Variants in VEGFC observed in about 807,000 individuals in gnomAD.
VEGFC encodes the protein vascular endothelial growth factor C, also known as FLT4 ligand DHM.
Under a neutral mutation model 46.1 loss-of-function variants are expected in VEGFC, and 12 were observed. The ratio of observed to expected loss-of-function variants is 0.26; its 90% CI spans 0.17 to 0.42. The LOEUF (loss-of-function observed/expected upper bound fraction) is 0.42, where lower values mean the gene tolerates loss of function less well. Among genes scored for constraint, VEGFC ranks in the 10% least tolerant of loss-of-function variants. The pLI is 1.00. For missense variants in VEGFC, 488 were observed against 529.4 expected, an observed-to-expected ratio of 0.92 and a Z score of 0.77; for synonymous variants, 232 against 195.5, an observed-to-expected ratio of 1.19 and a Z score of -1.56.
At chr4:176,710,258 G>A (rs1734599684) in intron 4 of VEGFC, among the ~76,000 whole-genome samples, 1 of 152,204 alleles carries the variant, frequency 6.6e-6, no homozygotes, top group African/African-American at 2.4e-5. Context: ...AGGAGTCACT[G>A]AGGGCTTCTG....
At chr4:176,776,369 T>G (rs1735813257) in intron 1 of VEGFC, among the ~76,000 whole-genome samples, 1 of 152,224 alleles carries the variant, frequency 6.6e-6, no homozygotes, top group Admixed American at 6.5e-5. Flanking sequence ...CAAAGGACGC[T>G]GGGAAGTGAG....
chr4:176,742,316 C>T (rs1354653868), intron 1 of VEGFC, among the ~76,000 whole-genome samples: 1 of 152,024 alleles, frequency 6.6e-6, no homozygotes, highest in East Asian at 1.9e-4. Flanking sequence ...ACCACATTTT[C>T]TGTATCCAGT....
At chr4:176,782,949 G>C (rs1218103749) in intron 1 of VEGFC, among the ~76,000 whole-genome samples, 1 of 152,188 alleles carries the variant, frequency 6.6e-6, no homozygotes, top group Non-Finnish European at 1.5e-5. Context: ...CTGTTCAAGA[G>C]CTGGGAAGTG....
In VEGFC at chr4:176,722,109, T is replaced by C. The variant is rs1459829722; in HGVS notation, c.552+5669A>G. ...GTATAAATATTGTGATTATTGTAAA[T>C]ATATAGCCCACCAATAGGATAGAAA... On this transcript the variant is annotated intron_variant, in intron 3 of 6. Coordinates refer to ENST00000618562, the MANE Select transcript of VEGFC (RefSeq NM_005429.5). 3.9e-5 allele frequency among the ~76,000 whole-genome samples: 6 copies of C among 151,924 alleles called. No individual in the cohort carries two copies. In the South Asian group the frequency reaches 1.0e-3, roughly 26 times the overall value.
rs146952609 is a variant in VEGFC, at chr4:176,703,646, A to G, written c.704+7853T>C. Among the ~76,000 whole-genome samples, 700 of 152,292 alleles carry G rather than the reference A, an allele frequency of 4.6e-3. 15 individuals carry two copies. Among genetic ancestry groups the G allele is most frequent in the African/African-American group, 0.016 (655 of 41,572 alleles). ...GATTTAAAATGTTTACAACACAAAG[A>G]AATGATAAATGTTTGAGGTGATGGA... is the stretch of plus-strand genomic sequence containing the variant. On this transcript the variant is annotated intron_variant, in intron 4 of 6. Transcript: ENST00000618562.
intron 4 of VEGFC, among the ~76,000 whole-genome samples, chr4:176,706,303 GACT>G (rs1734533727): frequency 7.1e-6 from 1 of 140,688 alleles, no homozygotes. Context: ...TCAAAGATTT[GACT>G]TAAAATGTTA....
At position 176,711,565 on chromosome 4, in the gene VEGFC, G is replaced by T; in HGVS notation, c.638C>A (p.Ser213Tyr). Residue 213 changes from serine (S) to tyrosine (Y), a missense_variant, in exon 4 of 7, where the codon TCT becomes TAT. Transcript: ENST00000618562. ...AACTTGTCTGTAAACATCCAGTTTA[G>T]ACATGCATCGGCAGGAAGTGTGATT... is the stretch of plus-strand genomic sequence containing the variant. ...FANHTSCRCM[S>Y]KLDVYRQVHS... 1 of 1,613,816 alleles carries T rather than the reference G, an allele frequency of 6.2e-7. No individual in the cohort carries two copies.
intron 4 of VEGFC, chr4:176,706,030 G>C (rs927725263): frequency 5.3e-5 from 8 of 152,182 alleles, no homozygotes; most frequent in African/African-American, 1.9e-4. Context: ...ACTATGTGAT[G>C]TGTATTACGA....
At chr4:176,708,533 T>A (rs1297004182) in intron 4 of VEGFC, among the ~76,000 whole-genome samples, 2 of 152,012 alleles carry the variant, frequency 1.3e-5, no homozygotes, top group Non-Finnish European at 2.9e-5. Context: ...ATCCTTGGGG[T>A]TGTGATAATG....
At chr4:176,770,721 G>A (rs533940769) in intron 1 of VEGFC, among the ~76,000 whole-genome samples, 3 of 152,170 alleles carry the variant, frequency 2.0e-5, no homozygotes, top group Non-Finnish European at 4.4e-5. Flanking sequence ...CTCTCTTGAG[G>A]TGGTTTCAGA....
At chr4:176,686,700 TG>T in intron 6 of VEGFC, among the ~76,000 whole-genome samples, 1 of 152,198 alleles carries the variant, frequency 6.6e-6, no homozygotes. Flanking sequence ...ACATGAGTCT[TG>T]GGTACCTTTA....
intron 4 of VEGFC, chr4:176,689,674 C>G (rs1314008521): frequency 6.6e-6 from 1 of 152,144 alleles, no homozygotes; most frequent in Non-Finnish European, 1.5e-5. Context: ...AGGTGAAAAA[C>G]AGTCTATTAT....
intron 3 of VEGFC, among the ~76,000 whole-genome samples, chr4:176,716,590 AAAAAAAAAAAAAAAAAG>A (rs1184419992): frequency 6.7e-6 from 1 of 150,176 alleles, no homozygotes; most frequent in Non-Finnish European, 1.5e-5. Context: ...CTCCGAAAAA[AAAAAAAAAAAAAAAAAG>A]AAAAAGAAAA....
intron 1 of VEGFC, among the ~76,000 whole-genome samples, chr4:176,742,446 C>A (rs1364511771): frequency 6.6e-6 from 1 of 151,932 alleles, no homozygotes; most frequent in Non-Finnish European, 1.5e-5. Context: ...TATAGTACCA[C>A]CCGCATACCA....
At chr4:176,713,156 G>A (rs1057513482) in intron 3 of VEGFC, among the ~76,000 whole-genome samples, 3 of 152,092 alleles carry the variant, frequency 2.0e-5, no homozygotes, top group East Asian at 3.9e-4. Context: ...AAGATTCTAG[G>A]TATTCTCCAC....
chr4:176,743,530 G>C (rs1735211450), intron 1 of VEGFC, among the ~76,000 whole-genome samples: 1 of 150,596 alleles, frequency 6.6e-6, no homozygotes, highest in Non-Finnish European at 1.5e-5. Flanking sequence ...CAACATTGGT[G>C]AAAAACAGCA....
intron 1 of VEGFC, among the ~76,000 whole-genome samples, chr4:176,749,311 C>A (rs1579121353): frequency 6.6e-6 from 1 of 151,814 alleles, no homozygotes; most frequent in Admixed American, 6.6e-5. Context: ...TATTAAACTT[C>A]TTTTAAACAG....
intron 1 of VEGFC, among the ~76,000 whole-genome samples, chr4:176,732,399 C>T (rs1444230608): frequency 2.0e-5 from 3 of 151,834 alleles, no homozygotes; most frequent in Non-Finnish European, 4.4e-5. Flanking sequence ...TAGCAATTAG[C>T]ACCTAATTTG....
chr4:176,739,718 C>T (rs1735122548), intron 1 of VEGFC, among the ~76,000 whole-genome samples: 1 of 151,474 alleles, frequency 6.6e-6, no homozygotes, highest in Non-Finnish European at 1.5e-5. Flanking sequence ...ACGTAACAAA[C>T]CTACACATCC....
Sources: gnomAD v4.1 joint callset for allele counts (sites outside exome capture counted in the v4.1 genomes callset) on GRCh38, gnomAD v4.1.1 for gene constraint, MANE v1.5 for transcripts, NCBI Gene and HGNC (gene_info 2026-07-23, HGNC 2026-07-21) for gene names.